The following CELF2 variants were observed in gnomAD, a reference collection of about 807,000 sequenced individuals.
The protein encoded by CELF2 is CUG triplet repeat RNA-binding protein 2.
Under a neutral mutation model 62.6 loss-of-function variants are expected in CELF2, and 8 were observed. The observed-to-expected ratio is 0.13, with a 90% CI of 0.07 to 0.23. The LOEUF is 0.23. Ranked by LOEUF, CELF2 falls within the 10% of genes least tolerant of loss-of-function variation. The probability of loss-of-function intolerance (pLI) is 1.00; values close to 1 mark genes in which losing one functional copy is unlikely to be tolerated. For synonymous variants in CELF2, 258 were observed against 250.0 expected, an observed-to-expected ratio of 1.03 and a Z score of -0.30; for missense variants, 333 against 671.0, an observed-to-expected ratio of 0.50 and a Z score of 5.56.
the CELF2 span, among the ~76,000 whole-genome samples, chr10:10,567,124 C>T: frequency 5.9e-3 from 894 of 152,274 alleles, 12 homozygotes; most frequent in African/African-American, 0.021. Context: ...TCCAGGTAGA[C>T]TTCTTCTAAA....
At chr10:11,241,176 G>T (rs1234218784) in intron 3 of CELF2, among the ~76,000 whole-genome samples, 1 of 152,166 alleles carries the variant, frequency 6.6e-6, no homozygotes, top group Non-Finnish European at 1.5e-5. Flanking sequence ...CTCCAGATAT[G>T]GCTTTGTCCC....
At chr10:10,887,962 G>T (rs890556018) in intron 1 of CELF2, among the ~76,000 whole-genome samples, 2 of 152,018 alleles carry the variant, frequency 1.3e-5, no homozygotes, top group South Asian at 4.1e-4. Flanking sequence ...TAGTAGAGAC[G>T]GGGTTTCACC....
chr10:10,736,518 T>G, the CELF2 span, among the ~76,000 whole-genome samples: 2 of 152,000 alleles, frequency 1.3e-5, no homozygotes, highest in Non-Finnish European at 2.9e-5. Flanking sequence ...ATACCCTGTA[T>G]GTTGTTATGA....
the CELF2 span, among the ~76,000 whole-genome samples, chr10:10,685,913 C>A: frequency 1.3e-5 from 2 of 152,202 alleles, no homozygotes; most frequent in African/African-American, 4.8e-5. Flanking sequence ...TTTCCTAGTC[C>A]TCTTCCTTTA....
the CELF2 span, among the ~76,000 whole-genome samples, chr10:10,550,182 G>A: frequency 6.6e-6 from 1 of 152,162 alleles, no homozygotes; most frequent in Non-Finnish European, 1.5e-5. Flanking sequence ...TAACAATAAA[G>A]TTAGCTAGAG....
intron 1 of CELF2, chr10:11,105,405 G>C (rs915688489): frequency 2.0e-5 from 3 of 152,172 alleles, no homozygotes; most frequent in African/African-American, 7.2e-5. Flanking sequence ...GGGAGGTTTT[G>C]TTTGTAAAAT....
At chr10:10,746,203 T>C in the CELF2 span, among the ~76,000 whole-genome samples, 1 of 152,204 alleles carries the variant, frequency 6.6e-6, no homozygotes, top group Non-Finnish European at 1.5e-5. Flanking sequence ...TTTGTTATTA[T>C]GAAGATGGAA....
the CELF2 span, among the ~76,000 whole-genome samples, chr10:10,721,275 A>G: frequency 6.6e-6 from 1 of 152,348 alleles, no homozygotes; most frequent in South Asian, 2.1e-4. Flanking sequence ...AAAAGTAGCC[A>G]AATAGATCTA....
intron 1 of CELF2, among the ~76,000 whole-genome samples, chr10:10,828,288 A>C (rs1161559919): frequency 6.6e-6 from 1 of 152,200 alleles, no homozygotes; most frequent in Non-Finnish European, 1.5e-5. Flanking sequence ...TGAATAGATA[A>C]ACAAAATGTG....
intron 2 of CELF2, among the ~76,000 whole-genome samples, chr10:10,977,964 T>G (rs1286514416): frequency 6.6e-6 from 1 of 152,014 alleles, no homozygotes; most frequent in Non-Finnish European, 1.5e-5. Flanking sequence ...GCTCTTCTTG[T>G]GCTATTACAT....
intron 4 of CELF2, among the ~76,000 whole-genome samples, chr10:11,253,256 C>T (rs1565569153): frequency 6.6e-6 from 1 of 152,198 alleles, no homozygotes; most frequent in African/African-American, 2.4e-5. Context: ...TCACAATTTG[C>T]TGGGGGTCTT....
Position 10,993,639 on chromosome 10 carries a change from G to C in CELF2, c.89+73640G>C, listed in dbSNP as rs2053654698. 6.6e-6 allele frequency among the ~76,000 whole-genome samples: 1 copy of C among 152,178 alleles called. No homozygotes were observed. The highest frequency in any genetic ancestry group is 2.1e-4 in the South Asian group (1 of 4,834). On this transcript the variant is annotated intron_variant, in intron 2 of 13. Coordinates refer to the CELF2 transcript ENST00000636488. This position sits in a 1 kb window ranked among gnomAD's most constrained non-coding sequence, Gnocchi z 5.3. ...ACTTGGAAAAAGAGAGTTGGAAGGA[G>C]CTTATTGTAGAAATAGGGCTTGTGC... is the stretch of plus-strand genomic sequence containing the variant.
intron 3 of CELF2, among the ~76,000 whole-genome samples, chr10:11,240,751 T>C (rs972943380): frequency 2.0e-5 from 3 of 152,254 alleles, no homozygotes; most frequent in African/African-American, 7.2e-5. Context: ...ACATATAAAG[T>C]ATGAGTTCCT....
rs2053635957 is a variant in CELF2, at chr10:10,993,436, A to C, written c.89+73437A>C. Reference sequence around the variant, plus strand: ...TAAGGATGAGCAGGAGTTAACTGGGAAGGGGAAATGCCAATTTAGGCAGAC... The same window carrying C: ...TAAGGATGAGCAGGAGTTAACTGGGCAGGGGAAATGCCAATTTAGGCAGAC... On this transcript the variant is annotated intron_variant, in intron 2 of 13. Coordinates refer to the CELF2 transcript ENST00000636488. This position sits in a 1 kb window ranked among gnomAD's most constrained non-coding sequence, Gnocchi z 5.3. Among the ~76,000 whole-genome samples, 1 of 152,130 alleles carries C rather than the reference A, an allele frequency of 6.6e-6. No individual in the cohort carries two copies. The highest frequency in any genetic ancestry group is 1.5e-5 in the Non-Finnish European group (1 of 68,020).
At chr10:11,004,827 G>C (rs756398989), upstream of CELF2, among the ~76,000 whole-genome samples, 3 of 152,152 alleles carry the variant, frequency 2.0e-5, no homozygotes, top group African/African-American at 4.8e-5. The surrounding 1 kb of genome is among the most constrained non-coding windows in gnomAD (Gnocchi z 5.0). Flanking sequence ...AAGACAAGAG[G>C]AGCAGATGAA....
chr10:11,251,565 C>A (rs1241257022), intron 4 of CELF2, among the ~76,000 whole-genome samples: 1 of 152,128 alleles, frequency 6.6e-6, no homozygotes, highest in African/African-American at 2.4e-5. Context: ...TTTCAAGCAG[C>A]AGCCTGGGGT....
chr10:10,857,669 A>ATATATAC, intron 1 of CELF2, among the ~76,000 whole-genome samples: 1 of 140,772 alleles, frequency 7.1e-6, no homozygotes, highest in East Asian at 2.1e-4. Flanking sequence ...ATATATATAT[A>ATATATAC]TATATATATA....
the CELF2 span, among the ~76,000 whole-genome samples, chr10:10,608,491 C>T: frequency 3.3e-5 from 5 of 152,264 alleles, no homozygotes; most frequent in Admixed American, 2.0e-4. Context: ...CTGTTGTTTC[C>T]TCTTAGAACT....
intron 1 of CELF2, among the ~76,000 whole-genome samples, chr10:11,129,363 G>T (rs958890083): frequency 1.3e-5 from 2 of 152,156 alleles, no homozygotes; most frequent in Non-Finnish European, 2.9e-5. Context: ...TCTCTGCCAG[G>T]CTTTGGTATC....
Sources: allele counts gnomAD v4.1 joint callset (sites outside exome capture counted in the v4.1 genomes callset), GRCh38; gene constraint gnomAD v4.1.1; non-coding constraint Gnocchi (gnomAD v3.1); transcripts MANE v1.5; gene names NCBI Gene and HGNC (gene_info 2026-07-23, HGNC 2026-07-21).